Variants in ARFGAP3 observed in about 807,000 individuals in gnomAD.
The protein encoded by ARFGAP3 is ADP-ribosylation factor GTPase-activating protein 3.
In ARFGAP3, 72 loss-of-function variants were observed where a neutral mutation model predicts 75.0. That is an observed-to-expected ratio of 0.96 (90% CI 0.79 to 1.17). The LOEUF (loss-of-function observed/expected upper bound fraction) is 1.17, where lower values mean the gene tolerates loss of function less well. ARFGAP3 is among the 50% of genes most tolerant of loss of function. The pLI is 0.00. For missense variants in ARFGAP3, 620 were observed against 626.6 expected (o/e 0.99, Z 0.11); for synonymous variants, 221 against 217.9 (o/e 1.01, Z -0.13).
intron 7 of ARFGAP3, among the ~76,000 whole-genome samples, chr22:42,826,071 T>C (rs1259718938): frequency 1.3e-5 from 2 of 152,224 alleles, no homozygotes; most frequent in Admixed American, 6.5e-5. Flanking sequence ...TCCCAAACTC[T>C]GACGAGTCTA....
At chr22:42,804,929 G>A (rs1371737701) in intron 14 of ARFGAP3, among the ~76,000 whole-genome samples, 1 of 152,116 alleles carries the variant, frequency 6.6e-6, no homozygotes, top group African/African-American at 2.4e-5. Context: ...GCTTTATGGA[G>A]GCAGAACACA....
At chr22:42,826,840 C>T (rs1272701080) in intron 7 of ARFGAP3, 100 bp downstream of exon 7, 1 of 854,140 alleles carries the variant, frequency 1.2e-6, no homozygotes, top group Non-Finnish European at 1.8e-6. Context: ...GATTATATTA[C>T]TCCGTCAGGT....
At chr22:42,824,170 ATTTTT>A (rs57620930) in intron 7 of ARFGAP3, among the ~76,000 whole-genome samples, 3 of 59,842 alleles carry the variant, frequency 5.0e-5, no homozygotes, top group Admixed American at 2.1e-4. Flanking sequence ...ACATCTGGCT[ATTTTT>A]TTTTTTTTTT....
intron 1 of ARFGAP3, 52 bp downstream of exon 1, chr22:42,857,062 G>A: frequency 1.4e-6 from 2 of 1,465,400 alleles, no homozygotes; most frequent in Non-Finnish European, 1.8e-6. Flanking sequence ...GGGGCCTCCC[G>A]CCGGTTCCCG....
intron 1 of ARFGAP3, among the ~76,000 whole-genome samples, chr22:42,850,034 C>G (rs549854483): frequency 3.3e-5 from 5 of 152,230 alleles, no homozygotes; most frequent in African/African-American, 1.2e-4. Flanking sequence ...ACTTTAAAAA[C>G]GTATTGCCAG....
chr22:42,850,863 G>C (rs981536019), intron 1 of ARFGAP3, among the ~76,000 whole-genome samples: 1 of 152,246 alleles, frequency 6.6e-6, no homozygotes, highest in Non-Finnish European at 1.5e-5. Flanking sequence ...ACATGTGACA[G>C]GTGATGAGGT....
chr22:42,806,041 C>A (rs1925106176), intron 14 of ARFGAP3, among the ~76,000 whole-genome samples: 1 of 152,232 alleles, frequency 6.6e-6, no homozygotes, highest in East Asian at 1.9e-4. Flanking sequence ...TCTCTTTGGA[C>A]TCTGAAAACA....
chr22:42,809,661 G>C (rs2146533048), intron 12 of ARFGAP3, among the ~76,000 whole-genome samples: 1 of 152,138 alleles, frequency 6.6e-6, no homozygotes, highest in East Asian at 1.9e-4. Context: ...TGTCAGAACT[G>C]TAAGTTTAAA....
At chr22:42,854,483 T>C (rs1210373699) in intron 1 of ARFGAP3, among the ~76,000 whole-genome samples, 1 of 152,074 alleles carries the variant, frequency 6.6e-6, no homozygotes, top group South Asian at 2.1e-4. Context: ...AAATTAGCCA[T>C]GCGTGATGGC....
At chr22:42,802,306 G>C (rs1457800181) in intron 14 of ARFGAP3, among the ~76,000 whole-genome samples, 3 of 150,492 alleles carry the variant, frequency 2.0e-5, no homozygotes, top group Non-Finnish European at 3.0e-5. Context: ...TTTTTTTTGA[G>C]ACAGAGTCTC....
intron 14 of ARFGAP3, among the ~76,000 whole-genome samples, chr22:42,800,561 C>A (rs903458513): frequency 6.6e-6 from 1 of 152,128 alleles, no homozygotes; most frequent in African/African-American, 2.4e-5. Flanking sequence ...TTGGTCAAGT[C>A]CCTCTCTGAG....
rs987435792 is a variant in ARFGAP3, at chr22:42,798,937, T to C, written c.1533+102A>G. ...TGTAGCAAACATATCGATCCAATAA[T>C]ATATAATTGAATTTTCCAGCAGTTG... On this transcript the variant is annotated intron_variant, in intron 15 of 15. Transcript: ENST00000263245. 4 of 938,152 alleles carry C rather than the reference T, an allele frequency of 4.3e-6. No individual in the cohort carries two copies. The African/African-American group carries it at 4.8e-5, about 11-fold the overall frequency. The allele number at this position is 938,152 out of a possible 1,614,324, so 58.1% of individuals were successfully genotyped here. A position where few individuals can be genotyped will look rare whatever the true frequency, so the allele number is the denominator to read the frequency against.
chr22:42,856,005 C>T (rs1359828771), intron 1 of ARFGAP3, among the ~76,000 whole-genome samples: 1 of 152,110 alleles, frequency 6.6e-6, no homozygotes, highest in Non-Finnish European at 1.5e-5. Flanking sequence ...CAAGGCACTA[C>T]ACTTCAGCCT....
At chr22:42,820,199 C>G (rs754698337) in intron 9 of ARFGAP3, among the ~76,000 whole-genome samples, 17 of 152,188 alleles carry the variant, frequency 1.1e-4, no homozygotes, top group Admixed American at 2.6e-4. Flanking sequence ...AGAGCCTACT[C>G]CCAAATACCA....
chr22:42,823,531 C>A, intron 8 of ARFGAP3, 125 bp downstream of exon 8: 2 of 634,900 alleles, frequency 3.2e-6, no homozygotes, highest in Non-Finnish European at 5.3e-6. Flanking sequence ...AAAACATAGA[C>A]TCCTTATATC....
chr22:42,806,921 T>G, intron 14 of ARFGAP3, 152 bp downstream of exon 14: 1 of 742,726 alleles, frequency 1.3e-6, no homozygotes, highest in Non-Finnish European at 2.1e-6. Context: ...AAGCCTGGAA[T>G]AGTAACTTCT....
intron 1 of ARFGAP3, among the ~76,000 whole-genome samples, chr22:42,849,991 G>A (rs995767706): frequency 9.2e-5 from 14 of 152,118 alleles, no homozygotes; most frequent in Non-Finnish European, 1.9e-4. Context: ...CCCATGGTAA[G>A]CATTCAGTAA....
At chr22:42,804,330 C>T (rs867205770) in intron 14 of ARFGAP3, among the ~76,000 whole-genome samples, 16 of 151,764 alleles carry the variant, frequency 1.1e-4, no homozygotes, top group East Asian at 1.9e-4. Flanking sequence ...GTGCCTCAGC[C>T]GCCTGAGTGG....
intron 8 of ARFGAP3, among the ~76,000 whole-genome samples, chr22:42,822,684 C>T (rs1048194092): frequency 6.6e-6 from 1 of 152,224 alleles, no homozygotes; most frequent in Non-Finnish European, 1.5e-5. Context: ...CCACGTGTAG[C>T]CTCCAGTATA....
Sources: gnomAD v4.1 joint callset for allele counts (sites outside exome capture counted in the v4.1 genomes callset) on GRCh38, gnomAD v4.1.1 for gene constraint, MANE v1.5 for transcripts, NCBI Gene and HGNC (gene_info 2026-07-23, HGNC 2026-07-21) for gene names.